TRPM1: variants seen among roughly 807,000 people sequenced by gnomAD.
TRPM1 encodes TRPM1-203 APA Isoform, Intron 10.
In TRPM1, 113 loss-of-function variants were observed where a neutral mutation model predicts 149.4. The ratio of observed to expected loss-of-function variants is 0.76; its 90% CI spans 0.65 to 0.88. TRPM1 has a LOEUF of 0.88. TRPM1 is among the 40% of genes least tolerant of loss of function. The probability of loss-of-function intolerance (pLI) is 0.00; values close to 1 mark genes in which losing one functional copy is unlikely to be tolerated. For synonymous variants in TRPM1, 741 were observed against 759.5 expected (o/e 0.98, Z 0.40); for missense variants, 1,976 against 2,038.7 (o/e 0.97, Z 0.59).
chr15:31,089,296 G>C (rs6493450), intron 1 of TRPM1, among the ~76,000 whole-genome samples: 94,962 of 152,010 alleles, frequency 0.62, 30,555 homozygotes, highest in East Asian at 0.83. Flanking sequence ...GCCCGGGAGG[G>C]TTTATATATA....
At chr15:31,090,643 AAAAAAG>A (rs2035210207) in intron 1 of TRPM1, among the ~76,000 whole-genome samples, 1 of 150,002 alleles carries the variant, frequency 6.7e-6, no homozygotes, top group African/African-American at 2.5e-5. Flanking sequence ...TCTCAAAAAC[AAAAAAG>A]AAAAAAAAAA....
intron 14 of TRPM1, 78 bp from the exon 15 acceptor site, chr15:31,047,329 T>G (rs2033804963): frequency 3.3e-6 from 5 of 1,537,462 alleles, no homozygotes; most frequent in Non-Finnish European, 4.5e-6. Context: ...AGGGGGTAAG[T>G]GGCTGTCCTG....
chr15:31,017,995 G>A (rs180839929), intron 27 of TRPM1, among the ~76,000 whole-genome samples: 1 of 152,254 alleles, frequency 6.6e-6, no homozygotes, highest in East Asian at 1.9e-4. Context: ...GAGTTCTGTA[G>A]TAAGCCAGTT....
Position 31,002,608 on chromosome 15 carries a change from T to C in TRPM1, c.4092A>G (p.Ala1364=), listed in dbSNP as rs756057778. 2 of 1,614,218 alleles carry C rather than the reference T, an allele frequency of 1.2e-6. No individual in the cohort carries two copies. Among genetic ancestry groups the C allele is most frequent in the South Asian group, 2.2e-5 (2 of 91,080 alleles). Residue 1364 remains alanine, a synonymous_variant, in exon 28 of 28, where the codon GCA becomes GCG. Transcript: ENST00000256552. ...CTTCAGCGTTCTTTAAGTCATCTAC[T>C]GCAAGGTGACTGCCATCTGGGGTTG... is the stretch of plus-strand genomic sequence containing the variant. ...TSATPDGSHL[A]VDDLKNAEES...
intron 1 of TRPM1, among the ~76,000 whole-genome samples, chr15:31,122,475 TA>T (rs1320826361): frequency 6.6e-6 from 1 of 152,242 alleles, no homozygotes; most frequent in Non-Finnish European, 1.5e-5. Flanking sequence ...TAATAAGTGA[TA>T]ACAGCAAGTT....
chr15:31,130,062 G>A lies in TRPM1; in HGVS notation c.54+30844C>T, dbSNP rs113718039. Among the ~76,000 whole-genome samples the A allele has an allele frequency of 7.9e-3, 1,201 of 152,268 alleles. 14 individuals are homozygous for A. Among genetic ancestry groups the A allele is most frequent in the African/African-American group, 0.028 (1,155 of 41,544 alleles). ...GACATCAGGGTGTTCCATACAGATC[G>A]GGAAGTAGCCACTGCTCAGAGCTGC... On this transcript the variant is annotated intron_variant, in intron 1 of 26. Coordinates refer to the TRPM1 transcript ENST00000542188.
intron 27 of TRPM1, among the ~76,000 whole-genome samples, chr15:31,017,178 C>T (rs1359491414): frequency 6.6e-6 from 1 of 151,856 alleles, no homozygotes; most frequent in African/African-American, 2.4e-5. Flanking sequence ...TGGTGGCGTG[C>T]GTCTGTAGTC....
chr15:31,129,380 C>T (rs2035989970), intron 1 of TRPM1, among the ~76,000 whole-genome samples: 1 of 152,162 alleles, frequency 6.6e-6, no homozygotes, highest in Non-Finnish European at 1.5e-5. Flanking sequence ...TTGGTGGGAC[C>T]CTGCAGGGTT....
upstream of TRPM1, among the ~76,000 whole-genome samples, chr15:31,105,484 CGCGT>C (rs1338209064): frequency 2.7e-5 from 4 of 147,222 alleles, no homozygotes; most frequent in African/African-American, 1.0e-4. Flanking sequence ...CGCGCGCGCG[CGCGT>C]GCATCTGTAA....
At chr15:31,115,541 A>C (rs549733362) in intron 1 of TRPM1, among the ~76,000 whole-genome samples, 1 of 152,260 alleles carries the variant, frequency 6.6e-6, no homozygotes, top group South Asian at 2.1e-4. Flanking sequence ...GAATTTCTGG[A>C]GGCTGACTGT....
chr15:31,113,668 CACCCACGTTTTA>C (rs113192741), intron 1 of TRPM1, among the ~76,000 whole-genome samples: 155 of 152,294 alleles, frequency 1.0e-3, no homozygotes, highest in Middle Eastern at 3.4e-3. Flanking sequence ...TGCCCTCCAT[CACCCACGTTTTA>C]AGACTACTGT....
At chr15:31,100,545 A>G (rs944380176) in intron 1 of TRPM1, among the ~76,000 whole-genome samples, 6 of 152,198 alleles carry the variant, frequency 3.9e-5, no homozygotes, top group Admixed American at 2.6e-4. Flanking sequence ...TTTCTGGGAA[A>G]AAAAGGAAAA....
chr15:31,091,426 G>T (rs537122181), intron 1 of TRPM1, among the ~76,000 whole-genome samples: 2 of 152,222 alleles, frequency 1.3e-5, no homozygotes, highest in African/African-American at 4.8e-5. Context: ...GTCAGTAAGC[G>T]CCTCTCAGAT....
chr15:31,069,504 C>G (rs556864040), intron 4 of TRPM1: 1 of 1,099,682 alleles, frequency 9.1e-7, no homozygotes, highest in African/African-American at 1.6e-5. Flanking sequence ...TGAGCTGGAA[C>G]GGATCACAGA....
intron 27 of TRPM1, among the ~76,000 whole-genome samples, chr15:31,021,936 T>C (rs2140892379): frequency 6.6e-6 from 1 of 152,086 alleles, no homozygotes; most frequent in South Asian, 2.1e-4. Context: ...TAAATGGAGG[T>C]AGACGATATA....
At chr15:31,062,349 T>A (rs1244609573) in intron 9 of TRPM1, among the ~76,000 whole-genome samples, 17 of 152,206 alleles carry the variant, frequency 1.1e-4, no homozygotes. Context: ...TTGTGTGGTG[T>A]CATGCCCCAC....
chr15:31,064,320 C>T (rs1477015444), intron 7 of TRPM1, among the ~76,000 whole-genome samples: 1 of 152,208 alleles, frequency 6.6e-6, no homozygotes, highest in Non-Finnish European at 1.5e-5. Flanking sequence ...CAGTTAATGA[C>T]CTGTTCCCAG....
chr15:31,014,143 TCTTATGGA>T (rs1338476820), intron 27 of TRPM1, among the ~76,000 whole-genome samples: 3 of 152,188 alleles, frequency 2.0e-5, no homozygotes, highest in Non-Finnish European at 4.4e-5. Context: ...TTTTCAAAGC[TCTTATGGA>T]CATCAGTTTT....
intron 18 of TRPM1, among the ~76,000 whole-genome samples, chr15:31,038,991 CTT>C (rs1175210129): frequency 3.1e-4 from 41 of 131,450 alleles, no homozygotes; most frequent in Admixed American, 3.8e-4. Context: ...CATGCTTCCC[CTT>C]TTTTTTTTTT....
Sources: gnomAD v4.1 joint callset for allele counts (sites outside exome capture counted in the v4.1 genomes callset) on GRCh38, gnomAD v4.1.1 for gene constraint, MANE v1.5 for transcripts, NCBI Gene and HGNC (gene_info 2026-07-23, HGNC 2026-07-21) for gene names.